LRRC37A2: variants seen among roughly 807,000 people sequenced by gnomAD.
The protein encoded by LRRC37A2 is leucine-rich repeat-containing protein 37A2.
LRRC37A2 carries 9 observed loss-of-function variants against 68.8 expected under a neutral mutation model. The ratio of observed to expected loss-of-function variants is 0.13; its 90% confidence interval spans 0.08 to 0.23. LRRC37A2 has a LOEUF of 0.23. Ranked by LOEUF, LRRC37A2 falls within the 10% of genes least tolerant of loss-of-function variation. The probability of loss-of-function intolerance (pLI) is 1.00; values close to 1 mark genes in which losing one functional copy is unlikely to be tolerated. For synonymous variants in LRRC37A2, 63 were observed against 367.6 expected (o/e 0.17, Z 9.48); for missense variants, 168 against 950.4 (o/e 0.18, Z 10.82).
the LRRC37A2 span, among the ~76,000 whole-genome samples, chr17:47,000,063 T>TAAAAAAA: frequency 9.0e-4 from 16 of 17,714 alleles, no homozygotes; most frequent in African/African-American, 1.6e-3. Context: ...TAAAATAAAA[T>TAAAAAAA]TAAAATAAAA....
chr17:46,885,333 C>T, the LRRC37A2 span: 33 of 235,004 alleles, frequency 1.4e-4, no homozygotes, highest in Non-Finnish European at 2.3e-4. Flanking sequence ...GACAGAGTCT[C>T]GCTCTGTCAC....
At chr17:46,782,350 C>T in the LRRC37A2 span, among the ~76,000 whole-genome samples, 1 of 152,098 alleles carries the variant, frequency 6.6e-6, no homozygotes, top group South Asian at 2.1e-4. Flanking sequence ...GGTCATTTTT[C>T]TCTCCCTGTG....
intron 2 of LRRC37A2, among the ~76,000 whole-genome samples, chr17:46,516,322 G>A: frequency 1.1e-5 from 1 of 87,566 alleles, no homozygotes; most frequent in Non-Finnish European, 2.7e-5. Flanking sequence ...AATGATAGGA[G>A]GGAAGAAAGA....
At chr17:46,849,849 C>CTTTTTTTTTTTTTT in the LRRC37A2 span, among the ~76,000 whole-genome samples, 1 of 145,750 alleles carries the variant, frequency 6.9e-6, no homozygotes. Flanking sequence ...CATTTAATAT[C>CTTTTTTTTTTTTTT]TTTTTTTTTT....
At chr17:46,908,471 C>T in the LRRC37A2 span, among the ~76,000 whole-genome samples, 1 of 151,960 alleles carries the variant, frequency 6.6e-6, no homozygotes, top group Admixed American at 6.5e-5. Context: ...GAACCGGCAT[C>T]GGTCTGGCTT....
the LRRC37A2 span, chr17:46,940,531 C>T: frequency 3.1e-6 from 5 of 1,613,866 alleles, no homozygotes; most frequent in South Asian, 1.1e-5. Context: ...GAGACTGCGA[C>T]GGCAAGGCTG....
chr17:46,770,136 G>A, the LRRC37A2 span: 4 of 1,446,780 alleles, frequency 2.8e-6, no homozygotes, highest in Non-Finnish European at 3.6e-6. Flanking sequence ...GACGTGAGGG[G>A]AACGAGGCCA....
At chr17:46,966,793 G>A in the LRRC37A2 span, 7 of 428,652 alleles carry the variant, frequency 1.6e-5, no homozygotes, top group Non-Finnish European at 4.1e-6. Flanking sequence ...AGAATTATTT[G>A]ATGTGGCCGA....
At chr17:46,995,856 G>A in the LRRC37A2 span, among the ~76,000 whole-genome samples, 1 of 152,140 alleles carries the variant, frequency 6.6e-6, no homozygotes, top group Non-Finnish European at 1.5e-5. Context: ...CTGAGTTCCC[G>A]CCTTGGTCAC....
chr17:46,789,908 A>G, the LRRC37A2 span, among the ~76,000 whole-genome samples: 2 of 152,194 alleles, frequency 1.3e-5, no homozygotes, highest in African/African-American at 2.4e-5. Flanking sequence ...CTACCTTTCA[A>G]GGTGGGTATT....
At chr17:46,879,400 T>C in the LRRC37A2 span, among the ~76,000 whole-genome samples, 1 of 152,242 alleles carries the variant, frequency 6.6e-6, no homozygotes, top group Non-Finnish European at 1.5e-5. Context: ...GATGTTTTTG[T>C]AGATTTTCTG....
the LRRC37A2 span, among the ~76,000 whole-genome samples, chr17:46,766,687 A>T: frequency 6.6e-6 from 1 of 151,964 alleles, no homozygotes; most frequent in Non-Finnish European, 1.5e-5. Context: ...CTTCTCCATG[A>T]CGTCAAGTAC....
At chr17:47,004,215 T>G in the LRRC37A2 span, among the ~76,000 whole-genome samples, 5 of 152,242 alleles carry the variant, frequency 3.3e-5, no homozygotes, top group African/African-American at 1.2e-4. Context: ...GCATGATTTA[T>G]AATCCTTTGG....
At chr17:46,842,440 T>C in the LRRC37A2 span, among the ~76,000 whole-genome samples, 3 of 152,322 alleles carry the variant, frequency 2.0e-5, no homozygotes, top group African/African-American at 7.2e-5. Flanking sequence ...AGTGGCGCGA[T>C]CACGGCTCAC....
At chr17:46,684,883 G>A in the LRRC37A2 span, among the ~76,000 whole-genome samples, 1 of 106,862 alleles carries the variant, frequency 9.4e-6, no homozygotes, top group African/African-American at 3.6e-5. Context: ...TAATTGATGA[G>A]TAATGATGTA....
the LRRC37A2 span, among the ~76,000 whole-genome samples, chr17:46,980,677 A>AAAAAAAAAAAAAAAAAAC: frequency 7.1e-6 from 1 of 140,650 alleles, no homozygotes; most frequent in Non-Finnish European, 1.6e-5. Context: ...AAAAAAAAAA[A>AAAAAAAAAAAAAAAAAAC]AAAAAATTAG....
chr17:46,787,068 G>A, the LRRC37A2 span, among the ~76,000 whole-genome samples: 5 of 151,858 alleles, frequency 3.3e-5, no homozygotes, highest in African/African-American at 1.2e-4. Flanking sequence ...CTCCTGAGTA[G>A]CTGAGACTAC....
the LRRC37A2 span, chr17:46,757,154 T>A: frequency 6.6e-6 from 1 of 152,246 alleles, no homozygotes. Context: ...TCTCCAAATC[T>A]TGCCATTTGT....
the LRRC37A2 span, among the ~76,000 whole-genome samples, chr17:47,029,791 G>A: frequency 3.3e-5 from 5 of 152,148 alleles, no homozygotes; most frequent in African/African-American, 7.2e-5. Context: ...TCTGGTGGCC[G>A]GGAGCGGTGG....
Sources: gnomAD v4.1 joint callset for allele counts (sites outside exome capture counted in the v4.1 genomes callset) on GRCh38, gnomAD v4.1.1 for gene constraint, MANE v1.5 for transcripts, NCBI Gene and HGNC (gene_info 2026-07-23, HGNC 2026-07-21) for gene names.